Variants in GLYAT observed in about 807,000 individuals in gnomAD.
The protein encoded by GLYAT is glycine N-acyltransferase.
GLYAT carries 25 observed loss-of-function variants against 22.8 expected under a neutral mutation model. The observed-to-expected ratio is 1.09, with a 90% CI of 0.80 to 1.53. GLYAT has a LOEUF of 1.53. Ranked by LOEUF, GLYAT falls within the 40% of genes most tolerant of loss-of-function variation. The pLI, the probability that GLYAT is intolerant of heterozygous loss-of-function variation, is 0.00. For missense variants in GLYAT, 411 were observed against 353.9 expected, an observed-to-expected ratio of 1.16 and a Z score of -1.29; for synonymous variants, 140 against 122.7, an observed-to-expected ratio of 1.14 and a Z score of -0.93.
At chr11:58,712,920 T>C in intron 3 of GLYAT, 34 bp from the exon 4 acceptor site, 1 of 1,416,980 alleles carries the variant, frequency 7.1e-7, no homozygotes, top group Non-Finnish European at 9.8e-7. Context: ...ATAAAACACA[T>C]CCTTATATTT....
intron 3 of GLYAT, among the ~76,000 whole-genome samples, chr11:58,713,110 A>T (rs610165): frequency 0.97 from 147,767 of 152,202 alleles, 71,847 homozygotes; most frequent in African/African-American, 0.99. Flanking sequence ...ATCCAGAATA[A>T]TTATTATTTC....
chr11:58,722,822 G>T (rs1856766856), intron 2 of GLYAT, among the ~76,000 whole-genome samples: 1 of 152,006 alleles, frequency 6.6e-6, no homozygotes, highest in Non-Finnish European at 1.5e-5. Context: ...TCAGAAGAAT[G>T]GATGGACATT....
chr11:58,710,430 A>G, intron 5 of GLYAT, 160 bp downstream of exon 5: 1 of 734,830 alleles, frequency 1.4e-6, no homozygotes, highest in Non-Finnish European at 2.2e-6. Flanking sequence ...GAGTCTTTTA[A>G]GCAGGAGAGA....
At chr11:58,722,062 C>A (rs1052079270) in intron 2 of GLYAT, among the ~76,000 whole-genome samples, 1 of 151,998 alleles carries the variant, frequency 6.6e-6, no homozygotes, top group South Asian at 2.1e-4. Context: ...ACCTTCCTCC[C>A]CATCTAATTA....
chr11:58,717,769 T>G (rs189098110), intron 2 of GLYAT, among the ~76,000 whole-genome samples: 182 of 152,198 alleles, frequency 1.2e-3, no homozygotes, highest in African/African-American at 4.2e-3. Flanking sequence ...GTAGGACTGG[T>G]TTGCTTTATT....
intron 1 of GLYAT, among the ~76,000 whole-genome samples, chr11:58,731,354 G>T (rs957217606): frequency 3.9e-5 from 6 of 152,102 alleles, no homozygotes; most frequent in African/African-American, 1.4e-4. Flanking sequence ...TATTAGTCGA[G>T]AGCACAAACT....
chr11:58,721,400 C>A (rs982687386), intron 2 of GLYAT, among the ~76,000 whole-genome samples: 1 of 151,404 alleles, frequency 6.6e-6, no homozygotes, highest in Admixed American at 6.6e-5. Flanking sequence ...AACCACGTAG[C>A]CTTTGTTGCA....
intron 2 of GLYAT, among the ~76,000 whole-genome samples, chr11:58,721,962 C>T (rs1241944870): frequency 2.0e-5 from 3 of 151,930 alleles, no homozygotes; most frequent in South Asian, 2.1e-4. Context: ...TTCTGAGCAC[C>T]GTAAGTGTAA....
chr11:58,728,928 AGG>A (rs1307980228), intron 1 of GLYAT, among the ~76,000 whole-genome samples: 1 of 147,974 alleles, frequency 6.8e-6, no homozygotes, highest in African/African-American at 2.5e-5. Flanking sequence ...GAAGGAAGGA[AGG>A]AAGGAAGGAA....
chr11:58,713,887 ATT>A (rs1420218474), intron 3 of GLYAT, among the ~76,000 whole-genome samples: 1 of 152,040 alleles, frequency 6.6e-6, no homozygotes, highest in Non-Finnish European at 1.5e-5. Flanking sequence ...CATTTCATAT[ATT>A]GTTTATTTTT....
rs199522129 is a variant in GLYAT at position 58,710,768 on chromosome 11, G to A, written c.317-7C>T. 544 of 1,513,724 alleles carry A rather than the reference G, an allele frequency of 3.6e-4. 1 individual carries two copies. The highest frequency in any genetic ancestry group is 4.7e-4 in the Non-Finnish European group (514 of 1,088,928). 93.8% of individuals were successfully genotyped at this position (1,513,724 alleles called of 1,614,324 possible). A position where few individuals can be genotyped will look rare whatever the true frequency, so the allele number is the denominator to read the frequency against. ...TTCAGGCTAGGCTGTGAACCTAGAC[G>A]GTATAATAAACAGAGATGAAATGGT... On this transcript the variant is annotated splice_polypyrimidine_tract_variant and splice_region_variant and intron_variant, in intron 4 of 5. Coordinates refer to ENST00000344743, the MANE Select transcript of GLYAT (RefSeq NM_201648.3).
At chr11:58,729,361 C>A (rs1856848519) in intron 1 of GLYAT, among the ~76,000 whole-genome samples, 1 of 152,146 alleles carries the variant, frequency 6.6e-6, no homozygotes, top group African/African-American at 2.4e-5. Flanking sequence ...AGTGTTTATG[C>A]ATATTTTAAT....
Position 58,716,814 on chromosome 11 carries a change from A to G in GLYAT, c.82-1391T>C, listed in dbSNP as rs190639449. Among the ~76,000 whole-genome samples the G allele has an allele frequency of 6.6e-5, 10 of 152,234 alleles. No homozygotes were observed. The East Asian group carries it at 1.7e-3, about 26-fold the overall frequency. ...GGGAAGTCCTGACGACACATGCCCA[A>G]GGTGGCTGGGCACAGCTTGGTTTTC... On this transcript the variant is annotated intron_variant, in intron 2 of 5. Coordinates refer to ENST00000344743, the MANE Select transcript of GLYAT (RefSeq NM_201648.3).
At chr11:58,728,053 C>CTTTTTTT (rs1173955703) in intron 1 of GLYAT, among the ~76,000 whole-genome samples, 10 of 68,652 alleles carry the variant, frequency 1.5e-4, no homozygotes, top group East Asian at 4.2e-4. Flanking sequence ...TGCTCTAAAG[C>CTTTTTTT]TTTTTTTTTT....
rs1400702597 is a variant in GLYAT at position 58,731,940 on chromosome 11, G to C, written c.-121C>G. ...GCAGCCAGTTCAGCAGAGTCTCGCA[G>C]AGTAAATTTTGATACACCACCTCCA... On this transcript the variant is annotated 5_prime_UTR_variant, in exon 1 of 6. Transcript: ENST00000344743. 1 of 152,124 alleles carries C rather than the reference G, an allele frequency of 6.6e-6. No homozygotes were observed. The highest frequency in any genetic ancestry group is 1.5e-5 in the Non-Finnish European group (1 of 68,032). 9.4% of individuals were successfully genotyped at this position (152,124 alleles called of 1,614,324 possible).
chr11:58,726,211 C>T (rs1249412622), intron 1 of GLYAT, among the ~76,000 whole-genome samples: 1 of 152,216 alleles, frequency 6.6e-6, no homozygotes, highest in South Asian at 2.1e-4. Flanking sequence ...GGCATGGAGC[C>T]TTCTCCTGCC....
At chr11:58,715,798 G>A (rs1856672568) in intron 2 of GLYAT, among the ~76,000 whole-genome samples, 1 of 151,912 alleles carries the variant, frequency 6.6e-6, no homozygotes, top group South Asian at 2.1e-4. Flanking sequence ...TTCATTACAT[G>A]GATGCATCAC....
At chr11:58,728,858 G>A (rs2509907) in intron 1 of GLYAT, 3,309 of 82,822 alleles carry the variant, frequency 0.04, 163 homozygotes, top group African/African-American at 0.15. Flanking sequence ...AAAGAAGAAA[G>A]AAAGAAAGAA....
At chr11:58,713,658 A>C (rs1856643949) in intron 3 of GLYAT, among the ~76,000 whole-genome samples, 1 of 152,140 alleles carries the variant, frequency 6.6e-6, no homozygotes, top group South Asian at 2.1e-4. Context: ...TCAAATTAGT[A>C]AATGACAGAT....
Sources: gnomAD v4.1 joint callset for allele counts (sites outside exome capture counted in the v4.1 genomes callset) on GRCh38, gnomAD v4.1.1 for gene constraint, MANE v1.5 for transcripts, NCBI Gene and HGNC (gene_info 2026-07-23, HGNC 2026-07-21) for gene names.